NCAPD3: variants seen among roughly 807,000 people sequenced by gnomAD.
NCAPD3 encodes non-SMC condensin II complex subunit D3.
NCAPD3 carries 105 observed loss-of-function variants against 182.9 expected under a neutral mutation model. The observed-to-expected ratio is 0.57, with a 90% confidence interval of 0.49 to 0.68. NCAPD3 has a LOEUF of 0.68. Ranked by LOEUF, NCAPD3 falls within the 30% of genes least tolerant of loss-of-function variation. The pLI is 0.00. For synonymous variants in NCAPD3, 815 were observed against 679.9 expected, an observed-to-expected ratio of 1.20 and a Z score of -3.09; for missense variants, 1,944 against 1,837.0, an observed-to-expected ratio of 1.06 and a Z score of -1.07.
In NCAPD3 at chr11:134,177,283, C is replaced by T; in HGVS notation, c.2957G>A (p.Cys986Tyr). ...GATGAATGGGTCGGAATCCTTCAGA[C>T]ACATGGAGATGTTGGGAATATACTT... ...VDKYIPNISM[C>Y]LKDSDPFIRK... Residue 986 changes from cysteine to tyrosine, a missense_variant, in exon 23 of 35, where the codon TGT becomes TAT. Cys to Tyr is a radical substitution (Grantham distance 194). This residue lies in a region of NCAPD3 where 1,803 missense variants were observed against 1,674.6 expected (regional missense o/e 1.08). Coordinates refer to ENST00000534548, the MANE Select transcript of NCAPD3 (RefSeq NM_015261.3). 1 of 1,614,228 alleles carries T rather than the reference C, an allele frequency of 6.2e-7. No individual in the cohort carries two copies. Among genetic ancestry groups the T allele is most frequent in the South Asian group, 1.1e-5 (1 of 91,090 alleles).
At chr11:134,188,406 G>A (rs1036798785) in intron 16 of NCAPD3, among the ~76,000 whole-genome samples, 12 of 152,212 alleles carry the variant, frequency 7.9e-5, no homozygotes, top group Non-Finnish European at 1.6e-4. Context: ...CTGGCCACCC[G>A]AGCCAGCAGC....
chr11:134,218,208 C>A (rs1938102703), intron 2 of NCAPD3, among the ~76,000 whole-genome samples: 1 of 151,332 alleles, frequency 6.6e-6, no homozygotes, highest in Admixed American at 6.6e-5. Flanking sequence ...GGTGATCGAT[C>A]ACCCTAAACC....
Position 134,178,683 on chromosome 11 carries a change from T to C in NCAPD3, c.2733A>G (p.Arg911=), listed in dbSNP as rs1175993546. ...APASQPPPQV[R]GSVMPSVIRA... ...TAATCACAGAGGGCATGACAGAACCTCTGACCTGGGGGGGTGGCTGAGACG... is the reference window on the plus strand; with the variant it reads ...TAATCACAGAGGGCATGACAGAACCCCTGACCTGGGGGGGTGGCTGAGACG... Residue 911 remains arginine, a synonymous_variant, in exon 22 of 35, where the codon AGA becomes AGG. Transcript: ENST00000534548. 4 of 1,599,338 alleles carry C rather than the reference T, an allele frequency of 2.5e-6. No homozygotes were observed. Among genetic ancestry groups the C allele is most frequent in the Non-Finnish European group, 3.4e-6 (4 of 1,171,560 alleles).
At chr11:134,179,135 C>T (rs1257177970) in intron 20 of NCAPD3, among the ~76,000 whole-genome samples, 199 bp from the exon 21 acceptor site, 1 of 152,096 alleles carries the variant, frequency 6.6e-6, no homozygotes, top group African/African-American at 2.4e-5. Flanking sequence ...TTAGGGCAAG[C>T]ATATAATTTT....
chr11:134,159,703 G>T (rs747989861), intron 29 of NCAPD3, among the ~76,000 whole-genome samples, 189 bp downstream of exon 29: 1 of 152,224 alleles, frequency 6.6e-6, no homozygotes, highest in Non-Finnish European at 1.5e-5. Context: ...TGGAAGGGAG[G>T]TCTGGAGCAC....
At chr11:134,179,219 G>A (rs557596900) in intron 20 of NCAPD3, among the ~76,000 whole-genome samples, 17 of 152,204 alleles carry the variant, frequency 1.1e-4, no homozygotes, top group South Asian at 4.2e-4. Flanking sequence ...ATAGGTGTAC[G>A]CTAGGGTTAT....
chr11:134,168,433 A>C, intron 26 of NCAPD3, 36 bp downstream of exon 26: 2 of 1,611,328 alleles, frequency 1.2e-6, no homozygotes, highest in South Asian at 2.2e-5. Flanking sequence ...TTCATTTGCA[A>C]ACACACACAT....
chr11:134,192,995 C>A, intron 15 of NCAPD3, 86 bp from the exon 16 acceptor site: 1 of 774,682 alleles, frequency 1.3e-6, no homozygotes, highest in South Asian at 1.6e-5. Context: ...TAAAAATAAT[C>A]ACACCTTCAA....
chr11:134,167,876 G>C (rs560993791), intron 27 of NCAPD3, 120 bp downstream of exon 27: 1 of 949,952 alleles, frequency 1.1e-6, no homozygotes, highest in Admixed American at 2.0e-5. Context: ...AGATGAGCTT[G>C]GGGGAGGTGC....
intron 29 of NCAPD3, 75 bp downstream of exon 29, chr11:134,159,817 G>A: frequency 1.4e-6 from 2 of 1,446,202 alleles, no homozygotes; most frequent in Admixed American, 2.1e-5. Context: ...CTTGAGAGGT[G>A]CCAGACAAAC....
At chr11:134,225,332 C>T (rs1035067092), upstream of NCAPD3, 1 of 1,613,864 alleles carries the variant, frequency 6.2e-7, no homozygotes, top group Non-Finnish European at 8.5e-7. Context: ...AGATCGAGTT[C>T]ATCGGGCAGA....
chr11:134,179,323 T>A (rs1234612714), intron 20 of NCAPD3, among the ~76,000 whole-genome samples: 1 of 152,230 alleles, frequency 6.6e-6, no homozygotes, highest in Non-Finnish European at 1.5e-5. Context: ...ATTTCTATAG[T>A]CACGTGGCTT....
chr11:134,158,392 T>C lies in NCAPD3; in HGVS notation c.3971A>G (p.His1324Arg), dbSNP rs150693920. The change falls in exon 30 of 35, where the codon CAT becomes CGT. Residue 1324 changes from histidine to arginine, a missense_variant. His to Arg is a conservative substitution (Grantham distance 29, BLOSUM62 0). Coordinates refer to ENST00000534548, the MANE Select transcript of NCAPD3 (RefSeq NM_015261.3). ...AGGTGTAGGAGATGATACTGCTACA[T>C]GGCCAGCACTTGCCCTGGGTGTGCA... ...QPCTPRASAGHVAVSSPTPET... is the reference protein window; with the variant it reads ...QPCTPRASAGRVAVSSPTPET... 9 of 1,614,224 alleles carry C rather than the reference T, an allele frequency of 5.6e-6. No homozygotes were observed. Among genetic ancestry groups the C allele is most frequent in the Non-Finnish European group, 3.4e-6 (4 of 1,180,034 alleles).
chr11:134,223,529 T>C, intron 1 of NCAPD3: 1 of 701,106 alleles, frequency 1.4e-6, no homozygotes, highest in Non-Finnish European at 2.6e-6. Flanking sequence ...AGAAAGAGAT[T>C]TGCAATTTAA....
intron 27 of NCAPD3, among the ~76,000 whole-genome samples, chr11:134,165,416 G>A (rs902702090): frequency 6.6e-6 from 1 of 150,728 alleles, no homozygotes; most frequent in Admixed American, 6.6e-5. Context: ...GATGAGCTTA[G>A]GGGAAGAAGC....
chr11:134,164,038 A>G (rs1943678943), intron 27 of NCAPD3, among the ~76,000 whole-genome samples: 1 of 152,202 alleles, frequency 6.6e-6, no homozygotes. Context: ...TTGGTAAGAG[A>G]AAACAGGCAG....
rs1337511069 is a variant in NCAPD3, at chr11:134,202,848, A to G, written c.1583T>C (p.Ile528Thr). 4.3e-6 allele frequency: 7 copies of G among 1,609,764 alleles called. No homozygotes were observed. Among genetic ancestry groups the G allele is most frequent in the Non-Finnish European group, 5.9e-6 (7 of 1,178,926 alleles). Reference protein sequence around the residue: ...NRSEPSGEINIDSSGETVGSG... With the variant: ...NRSEPSGEINTDSSGETVGSG... ...TCCAACTGTTTCACCACTGCTGTCT[A>G]TGTTGATCTCCCCTGAGGGTTCGGA... The change falls in exon 13 of 35, where the codon ATA (isoleucine) becomes ACA (threonine). Residue 528 changes from isoleucine to threonine, a missense_variant. Coordinates refer to ENST00000534548, the MANE Select transcript of NCAPD3 (RefSeq NM_015261.3).
chr11:134,160,112 G>A, intron 28 of NCAPD3, 38 bp from the exon 29 acceptor site: 3 of 1,601,498 alleles, frequency 1.9e-6, no homozygotes, highest in Non-Finnish European at 2.6e-6. Context: ...ATGTTTTCTT[G>A]AATAAAAACG....
intron 19 of NCAPD3, chr11:134,183,170 T>A (rs1483603464): frequency 2.2e-6 from 1 of 456,104 alleles, no homozygotes; most frequent in Non-Finnish European, 4.4e-6. Flanking sequence ...AAAAGAAAAT[T>A]AGGAAAAAGT....
Sources: allele counts gnomAD v4.1 joint callset (sites outside exome capture counted in the v4.1 genomes callset), GRCh38; gene constraint gnomAD v4.1.1; regional missense constraint gnomAD v4.1.1; transcripts MANE v1.5; gene names NCBI Gene and HGNC (gene_info 2026-07-23, HGNC 2026-07-21).